Variants in WDR62 observed in about 807,000 individuals in gnomAD.
WDR62 encodes the protein WD repeat-containing protein 62.
Under a neutral mutation model 160.6 loss-of-function variants are expected in WDR62, and 112 were observed. The ratio of observed to expected loss-of-function variants is 0.70; its 90% CI spans 0.60 to 0.82. WDR62 has a LOEUF of 0.82. Among genes scored for constraint, WDR62 ranks in the 40% least tolerant of loss-of-function variants. The pLI is 0.00. For missense variants in WDR62, 1,819 were observed against 1,983.8 expected, an observed-to-expected ratio of 0.92 and a Z score of 1.58; for synonymous variants, 792 against 815.1, an observed-to-expected ratio of 0.97 and a Z score of 0.48.
intron 9 of WDR62, chr19:36,076,103 G>C (rs1441307899): frequency 6.6e-6 from 1 of 151,702 alleles, no homozygotes; most frequent in Non-Finnish European, 1.5e-5. Context: ...TCCCATCTTT[G>C]GCCAGTGAGA....
intron 19 of WDR62, 49 bp downstream of exon 19, chr19:36,092,860 G>A (rs769980979): frequency 1.9e-6 from 3 of 1,612,536 alleles, no homozygotes; most frequent in Admixed American, 1.7e-5. Flanking sequence ...CCCTGCCAGG[G>A]CCCCATGGAG....
chr19:36,094,992 C>A (rs1972870866), intron 20 of WDR62, among the ~76,000 whole-genome samples: 1 of 152,186 alleles, frequency 6.6e-6, no homozygotes, highest in African/African-American at 2.4e-5. Context: ...GATTGCACCA[C>A]TGCACTCCAG....
At chr19:36,070,507 C>G (rs1402791144) in intron 7 of WDR62, 2 of 152,192 alleles carry the variant, frequency 1.3e-5, no homozygotes, top group East Asian at 3.8e-4. Context: ...AGGTTTGAGT[C>G]AAAGCTGTTT....
intron 7 of WDR62, among the ~76,000 whole-genome samples, chr19:36,068,902 G>A (rs1277025540): frequency 1.3e-5 from 2 of 152,192 alleles, no homozygotes. Flanking sequence ...TGGCCGGGCA[G>A]AGGGGCTCCT....
intron 20 of WDR62, among the ~76,000 whole-genome samples, chr19:36,095,706 A>C (rs1036745454): frequency 2.0e-5 from 3 of 152,240 alleles, no homozygotes; most frequent in African/African-American, 7.2e-5. Context: ...AGACAGGAGA[A>C]TTGCTTGAAC....
intron 13 of WDR62, among the ~76,000 whole-genome samples, chr19:36,088,251 G>A (rs552489305): frequency 6.6e-6 from 1 of 151,900 alleles, no homozygotes; most frequent in African/African-American, 2.4e-5. Flanking sequence ...GAGACGGCCG[G>A]GGGCATCTCA....
At position 36,074,034 on chromosome 19, in the gene WDR62, C is replaced by T. The variant is rs1196440605; in HGVS notation, c.1233+503C>T. On this transcript the variant is annotated intron_variant, in intron 9 of 31. Transcript: ENST00000401500. ...GAGTTGAAGACGGGGCATGGTGGCT[C>T]ACACCTGTAATCCCAACACTTTGGG... 4 of 321,514 alleles carry T rather than the reference C, an allele frequency of 1.2e-5. No homozygotes were observed. The East Asian group carries it at 2.3e-4, about 19-fold the overall frequency. The allele number at this position is 321,514 out of a possible 1,614,324, so 19.9% of individuals were successfully genotyped here.
chr19:36,089,470 C>A (rs1460260068), intron 15 of WDR62, among the ~76,000 whole-genome samples, 164 bp downstream of exon 15: 4 of 152,086 alleles, frequency 2.6e-5, no homozygotes, highest in Non-Finnish European at 5.9e-5. Flanking sequence ...GAGGCAGAGT[C>A]TTGCTCTGTT....
At position 36,065,952 on chromosome 19, in the gene WDR62, C is replaced by G; in HGVS notation, c.333-6C>G. On this transcript the variant is annotated splice_region_variant and splice_polypyrimidine_tract_variant and intron_variant, in intron 3 of 31. Transcript: ENST00000401500. ...ACCAGTGATCAGCTCTTTTCTTTAT[C>G]CCCAGGAAGTCTCTCAGTGCTCTGG... is the stretch of plus-strand genomic sequence containing the variant. 6.2e-7 allele frequency: 1 copy of G among 1,614,104 alleles called. No individual in the cohort carries two copies. The highest frequency in any genetic ancestry group is 8.5e-7 in the Non-Finnish European group (1 of 1,179,974).
rs1041963308 is a variant in WDR62, at chr19:36,067,398, C to T, written c.654C>T (p.Asn218=). The part of the protein sequence containing the change: ...EDSSYFVTVG[N]RHVRFWFLEV... ...GCAGCTATTTTGTCACTGTTGGGAA[C>T]CGCCATGTGAGGTTCTGGTTCTTGG... Residue 218 remains asparagine (N), a synonymous_variant, in exon 6 of 32, where the codon AAC becomes AAT. Transcript: ENST00000401500. 1 of 1,614,254 alleles carries T rather than the reference C, an allele frequency of 6.2e-7. No individual in the cohort carries two copies. The highest frequency in any genetic ancestry group is 8.5e-7 in the Non-Finnish European group (1 of 1,180,046).
In WDR62 at chr19:36,086,780, ACTC is replaced by A. The variant is rs761280012; in HGVS notation, c.1744_1746del (p.Ser582del). 7 of 1,608,824 alleles carry A rather than the reference ACTC, an allele frequency of 4.4e-6. No individual in the cohort carries two copies. In the African/African-American group the frequency reaches 6.7e-5, roughly 15 times the overall value. ...AACCTGGAGCAGACGCTGGATGACC[ACTC>A]CTCCTCCATCACCGCCATCAAGTTC... On this transcript the variant is annotated inframe_deletion, in exon 13 of 32. Transcript: ENST00000401500.
In WDR62 at chr19:36,101,715, C is replaced by T; in HGVS notation, c.3023C>T (p.Ser1008Phe). ...DLECSFAAIH[S>F]PAPPPDPAPR... Reference sequence around the variant, plus strand: ...GAGTGCAGCTTCGCAGCCATCCACTCCCCAGCTCCGCCTCCTGACCCTGCC... The same window carrying T: ...GAGTGCAGCTTCGCAGCCATCCACTTCCCAGCTCCGCCTCCTGACCCTGCC... The change falls in exon 25 of 32, where the codon TCC becomes TTC. Residue 1008 changes from serine (S) to phenylalanine (F), a missense_variant. By Grantham distance (155) the Ser-to-Phe change is radical. This residue lies in a region of WDR62 where 770 missense variants were observed against 734.2 expected (regional missense o/e 1.05). Coordinates refer to ENST00000401500, the MANE Select transcript of WDR62 (RefSeq NM_001083961.2). 6.4e-7 allele frequency: 1 copy of T among 1,551,478 alleles called. No homozygotes were observed. Among genetic ancestry groups the T allele is most frequent in the Non-Finnish European group, 8.7e-7 (1 of 1,147,056 alleles).
intron 10 of WDR62, 92 bp from the exon 11 acceptor site, chr19:36,082,971 T>A: frequency 8.9e-7 from 1 of 1,125,592 alleles, no homozygotes; most frequent in Non-Finnish European, 1.3e-6. Context: ...AGAGTTGTAT[T>A]ACTAACGAAG....
chr19:36,102,058 C>T lies in WDR62; in HGVS notation c.3127C>T (p.Pro1043Ser). Residue 1043 changes from proline (P) to serine (S), a missense_variant, in exon 26 of 32, where the codon CCC (proline) becomes TCC (serine). This residue lies in a region of WDR62 where 770 missense variants were observed against 734.2 expected (regional missense o/e 1.05). Transcript: ENST00000401500. ...AGATGAGCTGTCCCTGCCCGAGGGA[C>T]CCAGCGTCCCCAGCAGCTCCCTACC... ...TEDELSLPEG[P>S]SVPSSSLPQT... 2 of 1,614,160 alleles carry T rather than the reference C, an allele frequency of 1.2e-6. No individual in the cohort carries two copies. Among genetic ancestry groups the T allele is most frequent in the Non-Finnish European group, 1.7e-6 (2 of 1,180,034 alleles).
chr19:36,081,800 C>G (rs1384050900), intron 10 of WDR62: 1 of 668,462 alleles, frequency 1.5e-6, no homozygotes, highest in Non-Finnish European at 2.7e-6. Context: ...CCAGTTGGCT[C>G]CTGCTCTGCA....
chr19:36,103,125 C>G (rs1458421797), intron 28 of WDR62, 31 bp from the exon 29 acceptor site: 1 of 1,613,894 alleles, frequency 6.2e-7, no homozygotes, highest in African/African-American at 1.3e-5. Context: ...AACCCTGAGG[C>G]CTTGTCCTCA....
intron 4 of WDR62, 83 bp downstream of exon 4, chr19:36,066,098 G>A: frequency 1.3e-6 from 2 of 1,586,964 alleles, no homozygotes; most frequent in South Asian, 2.2e-5. Context: ...AGGCCTGGGA[G>A]TCCCTGGAAT....
Position 36,101,740 on chromosome 19 carries a change from C to T in WDR62, c.3048C>T (p.Ala1016=). The T allele has an allele frequency of 6.4e-7, 1 of 1,551,986 alleles. No homozygotes were observed. ...CCCCAGCTCCGCCTCCTGACCCTGC[C>T]CCTCGGTTTGCCACGTCGCTGCCCC... is the stretch of plus-strand genomic sequence containing the variant. The part of the protein sequence containing the change: ...IHSPAPPPDP[A]PRFATSLPHF... The change falls in exon 25 of 32, where the codon GCC becomes GCT. Residue 1016 remains alanine (A), a synonymous_variant. Coordinates refer to ENST00000401500, the MANE Select transcript of WDR62 (RefSeq NM_001083961.2).
rs1485255251 is a variant in WDR62, at chr19:36,103,092, C to G, written c.3462+18C>G. ...GGACCCACGTGAGTATTGGGCCCAC[C>G]TCCGTCAGGGCACGGGGCTGGGAAC... On this transcript the variant is annotated intron_variant, in intron 28 of 31. Transcript: ENST00000401500. 4 of 1,614,030 alleles carry G rather than the reference C, an allele frequency of 2.5e-6. No homozygotes were observed. Among genetic ancestry groups the G allele is most frequent in the Middle Eastern group, 1.6e-4 (1 of 6,062 alleles).
Sources: gnomAD v4.1 joint callset for allele counts (sites outside exome capture counted in the v4.1 genomes callset) on GRCh38, gnomAD v4.1.1 for gene constraint, gnomAD v4.1.1 regional missense constraint, MANE v1.5 for transcripts, NCBI Gene and HGNC (gene_info 2026-07-23, HGNC 2026-07-21) for gene names.